Variants in PTBP2 observed in about 807,000 individuals in gnomAD.
PTBP2 encodes polypyrimidine tract-binding protein 2.
In PTBP2, 13 loss-of-function variants were observed where a neutral mutation model predicts 61.4. The ratio of observed to expected loss-of-function variants is 0.21; its 90% CI spans 0.14 to 0.34. The LOEUF (loss-of-function observed/expected upper bound fraction) is 0.34, where lower values mean the gene tolerates loss of function less well. PTBP2 is among the 10% of genes least tolerant of loss of function. PTBP2 has a pLI of 1.00. For missense variants in PTBP2, 405 were observed against 642.6 expected (o/e 0.63, Z 4.00); for synonymous variants, 215 against 218.5 (o/e 0.98, Z 0.14).
In PTBP2 at chr1:96,813,504, T is replaced by C; in HGVS notation, c.*99T>C. The C allele has an allele frequency of 8.1e-7, 1 of 1,227,880 alleles. No individual in the cohort carries two copies. The highest frequency in any genetic ancestry group is 1.1e-6 in the Non-Finnish European group (1 of 921,176). The allele number at this position is 1,227,880 out of a possible 1,614,324, so 76.1% of individuals were successfully genotyped here. ...GGGACCAGAGTTTGATTTTTTTTGT[T>C]TTTGTTTTTTTGGGGTTTCTTTTTT... On this transcript the variant is annotated 3_prime_UTR_variant, in exon 14 of 14. Coordinates refer to ENST00000674951, the MANE Select transcript of PTBP2 (RefSeq NM_021190.4).
intron 2 of PTBP2, among the ~76,000 whole-genome samples, chr1:96,745,403 C>T (rs1001469696): frequency 3.3e-5 from 5 of 152,092 alleles, no homozygotes; most frequent in Non-Finnish European, 7.4e-5. Context: ...ACCTCGTGAT[C>T]CGTCTGCCTC....
At chr1:96,731,381 T>C (rs1651389156) in intron 2 of PTBP2, among the ~76,000 whole-genome samples, 1 of 152,206 alleles carries the variant, frequency 6.6e-6, no homozygotes, top group South Asian at 2.1e-4. Context: ...CTAAAAATTA[T>C]TTTGTAATTT....
intron 7 of PTBP2, among the ~76,000 whole-genome samples, chr1:96,784,336 C>A: frequency 6.6e-6 from 1 of 151,976 alleles, no homozygotes; most frequent in Non-Finnish European, 1.5e-5. Flanking sequence ...GTCATCATTC[C>A]TGTTTTCCCG....
At chr1:96,753,530 A>G (rs1035593267) in intron 3 of PTBP2, among the ~76,000 whole-genome samples, 4 of 152,104 alleles carry the variant, frequency 2.6e-5, no homozygotes, top group Non-Finnish European at 1.5e-5. Flanking sequence ...ACTATCTTCC[A>G]TAATATCTAG....
chr1:96,788,680 A>G (rs1659467546), intron 8 of PTBP2, among the ~76,000 whole-genome samples: 1 of 152,056 alleles, frequency 6.6e-6, no homozygotes, highest in Non-Finnish European at 1.5e-5. Context: ...CTCTTTTGCT[A>G]AAATTTGTGG....
At chr1:96,722,881 A>G (rs935298015) in intron 1 of PTBP2, among the ~76,000 whole-genome samples, 11 of 152,290 alleles carry the variant, frequency 7.2e-5, no homozygotes, top group East Asian at 3.9e-4. Context: ...ATTTAACTCA[A>G]TGTTAGAAAG....
Position 96,775,878 on chromosome 1 carries a change from C to T in PTBP2, c.433-1707C>T, listed in dbSNP as rs150566119. 1.4e-3 allele frequency among the ~76,000 whole-genome samples: 211 copies of T among 151,108 alleles called. 2 individuals are homozygous for T. The highest frequency in any genetic ancestry group is 4.6e-3 in the African/African-American group (191 of 41,126). Reference sequence around the variant, plus strand: ...TAAGCCATAAAAGGAAGATAGAGAACAATGAATAGTATTAAATAAAAGTAT... The same window carrying T: ...TAAGCCATAAAAGGAAGATAGAGAATAATGAATAGTATTAAATAAAAGTAT... On this transcript the variant is annotated intron_variant, in intron 5 of 13. Transcript: ENST00000674951.
intron 8 of PTBP2, among the ~76,000 whole-genome samples, chr1:96,791,215 T>G (rs1387389866): frequency 6.6e-6 from 1 of 152,158 alleles, no homozygotes; most frequent in African/African-American, 2.4e-5. Context: ...TACACAGTGA[T>G]GAAGGGAAAA....
intron 8 of PTBP2, among the ~76,000 whole-genome samples, chr1:96,800,710 G>T (rs987685287): frequency 6.6e-6 from 1 of 152,054 alleles, no homozygotes; most frequent in African/African-American, 2.4e-5. Context: ...CTCTAGCCTG[G>T]GTGACAGAGC....
intron 3 of PTBP2, among the ~76,000 whole-genome samples, chr1:96,760,585 A>G (rs1655712281): frequency 1.3e-5 from 2 of 151,570 alleles, no homozygotes; most frequent in African/African-American, 4.9e-5. Flanking sequence ...AGCTGGAACT[A>G]CAGGTGCACG....
chr1:96,741,539 G>A (rs1256763310), intron 2 of PTBP2, among the ~76,000 whole-genome samples: 1 of 152,108 alleles, frequency 6.6e-6, no homozygotes, highest in Non-Finnish European at 1.5e-5. Context: ...TGAGATTACA[G>A]GCGTGAGTCG....
intron 2 of PTBP2, among the ~76,000 whole-genome samples, chr1:96,739,468 CCTT>C (rs1652683531): frequency 2.6e-5 from 4 of 152,000 alleles, no homozygotes; most frequent in South Asian, 2.1e-4. Flanking sequence ...CCTCTTTTGT[CCTT>C]CTGCTGGTAA....
chr1:96,746,026 A>G (rs532462013), intron 2 of PTBP2, among the ~76,000 whole-genome samples: 2 of 151,476 alleles, frequency 1.3e-5, no homozygotes, highest in East Asian at 2.0e-4. Context: ...AGACCGCGCC[A>G]TTACACTCCA....
intron 7 of PTBP2, among the ~76,000 whole-genome samples, chr1:96,779,318 A>G (rs1163198617): frequency 6.6e-6 from 1 of 152,088 alleles, no homozygotes; most frequent in Non-Finnish European, 1.5e-5. Context: ...TCAAACGTTT[A>G]AATATAGTCT....
At chr1:96,772,176 C>T (rs1657457748) in intron 5 of PTBP2, among the ~76,000 whole-genome samples, 2 of 152,112 alleles carry the variant, frequency 1.3e-5, no homozygotes, top group South Asian at 4.1e-4. Flanking sequence ...GTTGGGGTTC[C>T]CACAACCCCC....
In PTBP2 at chr1:96,721,784, A is replaced by G. The variant is rs543838328; in HGVS notation, c.-81A>G. The G allele has an allele frequency of 4.6e-4, 711 of 1,541,114 alleles. 6 individuals carry two copies. The African/African-American group carries it at 8.6e-3, about 19-fold the overall frequency. ...CCTTCGGCAATTTCCGTCGGGCCCCAGCCGCCATTTTCTCGCCGCTTGTGT... is the reference window on the plus strand; with the variant it reads ...CCTTCGGCAATTTCCGTCGGGCCCCGGCCGCCATTTTCTCGCCGCTTGTGT... On this transcript the variant is annotated 5_prime_UTR_variant, in exon 1 of 14. Coordinates refer to ENST00000674951, the MANE Select transcript of PTBP2 (RefSeq NM_021190.4).
At chr1:96,727,975 T>C (rs546630270) in intron 2 of PTBP2, among the ~76,000 whole-genome samples, 2 of 152,208 alleles carry the variant, frequency 1.3e-5, no homozygotes, top group South Asian at 4.2e-4. Context: ...TTTTTTCCTT[T>C]TGTTTGTTAA....
At chr1:96,804,078 A>G (rs1457429439) in intron 8 of PTBP2, among the ~76,000 whole-genome samples, 24 of 152,214 alleles carry the variant, frequency 1.6e-4, no homozygotes, top group Non-Finnish European at 1.5e-5. Context: ...AATTAGAACA[A>G]TAAAATAAGA....
chr1:96,796,670 G>A (rs978143198), intron 8 of PTBP2, among the ~76,000 whole-genome samples: 1 of 152,166 alleles, frequency 6.6e-6, no homozygotes, highest in Non-Finnish European at 1.5e-5. Context: ...TAGACAGAAT[G>A]TAAGACTGGA....
Sources: gnomAD v4.1 joint callset for allele counts (sites outside exome capture counted in the v4.1 genomes callset) on GRCh38, gnomAD v4.1.1 for gene constraint, MANE v1.5 for transcripts, NCBI Gene and HGNC (gene_info 2026-07-23, HGNC 2026-07-21) for gene names.